The following SEZ6L variants were observed in gnomAD, a reference collection of about 807,000 sequenced individuals.
The protein encoded by SEZ6L is seizure 6-like protein.
SEZ6L carries 37 observed loss-of-function variants against 106.2 expected under a neutral mutation model. The observed-to-expected ratio is 0.35, with a 90% CI of 0.27 to 0.46. The LOEUF (loss-of-function observed/expected upper bound fraction) is 0.46. Ranked by LOEUF, SEZ6L falls within the 20% of genes least tolerant of loss-of-function variation. SEZ6L has a pLI of 1.00. For synonymous variants in SEZ6L, 541 were observed against 570.4 expected, an observed-to-expected ratio of 0.95 and a Z score of 0.73; for missense variants, 1,172 against 1,332.8, an observed-to-expected ratio of 0.88 and a Z score of 1.88.
At chr22:26,173,391 C>A (rs1938756126) in intron 1 of SEZ6L, among the ~76,000 whole-genome samples, 1 of 152,180 alleles carries the variant, frequency 6.6e-6, no homozygotes, top group Non-Finnish European at 1.5e-5. Context: ...GTATTCTCAC[C>A]TTTGGCAGAT....
intron 9 of SEZ6L, among the ~76,000 whole-genome samples, chr22:26,314,376 G>A (rs756741497): frequency 1.3e-5 from 2 of 152,234 alleles, no homozygotes; most frequent in Non-Finnish European, 2.9e-5. Flanking sequence ...AGGCCCTGTG[G>A]CAAGCATCTC....
At chr22:26,220,478 T>C (rs1164820245) in intron 1 of SEZ6L, among the ~76,000 whole-genome samples, 1 of 152,190 alleles carries the variant, frequency 6.6e-6, no homozygotes, top group African/African-American at 2.4e-5. Context: ...GTCACACACC[T>C]AGCATTGGGT....
At chr22:26,347,124 A>T (rs1020393485) in intron 10 of SEZ6L, among the ~76,000 whole-genome samples, 1 of 151,888 alleles carries the variant, frequency 6.6e-6, no homozygotes, top group Non-Finnish European at 1.5e-5. Context: ...TGAGCCCAGG[A>T]GTTTGAGGCT....
chr22:26,223,193 C>T (rs17301280), intron 1 of SEZ6L, among the ~76,000 whole-genome samples: 20,047 of 152,102 alleles, frequency 0.13, 1,714 homozygotes, highest in Middle Eastern at 0.2. Flanking sequence ...GGGTATATCA[C>T]GGTGGTGTTA....
At chr22:26,192,594 C>A (rs1198565448) in intron 1 of SEZ6L, among the ~76,000 whole-genome samples, 3 of 152,164 alleles carry the variant, frequency 2.0e-5, no homozygotes, top group Non-Finnish European at 4.4e-5. Flanking sequence ...GTTGTGGAGG[C>A]ATTTAATTTA....
chr22:26,173,548 G>A (rs1347509300), intron 1 of SEZ6L, among the ~76,000 whole-genome samples: 1 of 152,214 alleles, frequency 6.6e-6, no homozygotes, highest in Non-Finnish European at 1.5e-5. Context: ...TGGTTGGGAA[G>A]AAGACATAAG....
chr22:26,221,572 AATCCC>A, intron 1 of SEZ6L, among the ~76,000 whole-genome samples: 1 of 152,206 alleles, frequency 6.6e-6, no homozygotes, highest in South Asian at 2.1e-4. Flanking sequence ...GCTTCATGTG[AATCCC>A]GGCACATAGC....
chr22:26,192,349 A>G (rs1175866815), intron 1 of SEZ6L, among the ~76,000 whole-genome samples: 3 of 152,216 alleles, frequency 2.0e-5, no homozygotes, highest in East Asian at 3.8e-4. Context: ...CATAGCATAT[A>G]CATTTAAAGA....
At chr22:26,292,144 GAA>G in intron 1 of SEZ6L, 2 of 394,312 alleles carry the variant, frequency 5.1e-6, no homozygotes, top group Non-Finnish European at 9.0e-6. Flanking sequence ...AAGAAAGAAA[GAA>G]AGGAAGGAAG....
intron 1 of SEZ6L, among the ~76,000 whole-genome samples, chr22:26,235,630 G>C (rs2078934016): frequency 6.6e-6 from 1 of 152,122 alleles, no homozygotes; most frequent in Non-Finnish European, 1.5e-5. Context: ...AGGTGAAAGA[G>C]AGGGAAGGCA....
Position 26,169,782 on chromosome 22 carries a change from GGGGCGGGCA to G in SEZ6L, c.94+23_94+31del. 1.7e-6 allele frequency: 2 copies of G among 1,203,402 alleles called. No individual in the cohort carries two copies. Among genetic ancestry groups the G allele is most frequent in the Non-Finnish European group, 2.1e-6 (2 of 957,466 alleles). The allele number at this position is 1,203,402 out of a possible 1,614,324, so 74.5% of individuals were successfully genotyped here. A position where few individuals can be genotyped will look rare whatever the true frequency, so the allele number is the denominator to read the frequency against. ...GAGCGAGGTAAGCGCCCCGAGGGGC[GGGGCGGGCA>G]GGGGGCAAAGTTGCCGGGAGAGCGG... On this transcript the variant is annotated intron_variant, in intron 1 of 16. Transcript: ENST00000248933.
intron 1 of SEZ6L, among the ~76,000 whole-genome samples, chr22:26,253,813 T>C (rs1421411392): frequency 6.6e-6 from 1 of 152,212 alleles, no homozygotes; most frequent in Non-Finnish European, 1.5e-5. Context: ...AGTATTAAAT[T>C]TTCATGGAAA....
intron 5 of SEZ6L, among the ~76,000 whole-genome samples, chr22:26,299,954 G>A (rs74276944): frequency 0.036 from 5,471 of 152,282 alleles, 481 homozygotes; most frequent in East Asian, 0.35. Flanking sequence ...CAATGTGACA[G>A]TACCAGTGTC....
intron 8 of SEZ6L, 80 bp downstream of exon 8, chr22:26,312,042 A>G: frequency 1.4e-6 from 2 of 1,379,786 alleles, no homozygotes; most frequent in African/African-American, 1.4e-5. Flanking sequence ...GCCCCAGCTT[A>G]GAGGCCTGTC....
chr22:26,342,961 T>C (rs765440857), intron 10 of SEZ6L, among the ~76,000 whole-genome samples: 42 of 152,320 alleles, frequency 2.8e-4, no homozygotes, highest in Non-Finnish European at 3.8e-4. Context: ...CCCTGCCTGC[T>C]ACATGTCCAC....
chr22:26,340,710 G>A, intron 10 of SEZ6L, 78 bp downstream of exon 10: 1 of 1,260,310 alleles, frequency 7.9e-7, no homozygotes, highest in South Asian at 1.5e-5. Flanking sequence ...AGGTTATTTG[G>A]CAGTTTTGTA....
chr22:26,257,871 T>C (rs2079875192), intron 1 of SEZ6L, among the ~76,000 whole-genome samples: 1 of 152,174 alleles, frequency 6.6e-6, no homozygotes, highest in African/African-American at 2.4e-5. Flanking sequence ...GTTTATCACA[T>C]CTAAGACCCT....
chr22:26,352,764 T>G (rs973806219), intron 12 of SEZ6L, among the ~76,000 whole-genome samples: 1 of 152,226 alleles, frequency 6.6e-6, no homozygotes, highest in African/African-American at 2.4e-5. Flanking sequence ...CTTTGATTCC[T>G]GGCAGGAAAA....
intron 9 of SEZ6L, among the ~76,000 whole-genome samples, chr22:26,334,202 C>T (rs2082575622): frequency 6.6e-6 from 1 of 152,004 alleles, no homozygotes; most frequent in South Asian, 2.1e-4. Flanking sequence ...TATTGTGCAA[C>T]CAACACTTGT....
Sources: gnomAD v4.1 joint callset for allele counts (sites outside exome capture counted in the v4.1 genomes callset) on GRCh38, gnomAD v4.1.1 for gene constraint, MANE v1.5 for transcripts, NCBI Gene and HGNC (gene_info 2026-07-23, HGNC 2026-07-21) for gene names.